The following ACIN1 variants were observed in gnomAD, a reference collection of about 807,000 sequenced individuals.
The protein encoded by ACIN1 is apoptotic chromatin condensation inducer 1.
In ACIN1, 16 loss-of-function variants were observed where a neutral mutation model predicts 146.6. That is an observed-to-expected ratio of 0.11 (90% CI 0.07 to 0.17). The LOEUF is 0.17. Ranked by LOEUF, ACIN1 falls within the 10% of genes least tolerant of loss-of-function variation. The probability of loss-of-function intolerance (pLI) is 1.00; values close to 1 mark genes in which losing one functional copy is unlikely to be tolerated. For missense variants in ACIN1, 1,357 were observed against 1,609.3 expected (o/e 0.84, Z 2.68); for synonymous variants, 569 against 582.7 (o/e 0.98, Z 0.34).
At chr14:23,069,337 G>C in intron 9 of ACIN1, 139 bp downstream of exon 9, 3 of 1,398,008 alleles carry the variant, frequency 2.1e-6, no homozygotes, top group Non-Finnish European at 2.8e-6. Context: ...ATTCTCCCTT[G>C]GCCCTATTCT....
chr14:23,063,265 A>T (rs2047345093), intron 13 of ACIN1, 171 bp downstream of exon 13: 1 of 1,129,246 alleles, frequency 8.9e-7, no homozygotes, highest in African/African-American at 1.6e-5. Context: ...CAAAGATTAA[A>T]CAGAGTCAAA....
At chr14:23,088,658 C>CTAT (rs1233040236) in intron 4 of ACIN1, among the ~76,000 whole-genome samples, 1 of 152,072 alleles carries the variant, frequency 6.6e-6, no homozygotes, top group African/African-American at 2.4e-5. Flanking sequence ...CCCCTCAACA[C>CTAT]TAATTATTCA....
intron 1 of ACIN1, 39 bp downstream of exon 1, chr14:23,094,936 C>A (rs1382865297): frequency 1.3e-6 from 2 of 1,548,546 alleles, no homozygotes; most frequent in South Asian, 2.4e-5. Flanking sequence ...TCTACCGGGT[C>A]CGCTCTCCTC....
intron 4 of ACIN1, among the ~76,000 whole-genome samples, chr14:23,089,736 TG>T (rs2048179343): frequency 6.6e-6 from 1 of 152,150 alleles, no homozygotes; most frequent in African/African-American, 2.4e-5. Flanking sequence ...GTAGAAGAGT[TG>T]AAGAGGTACA....
chr14:23,094,914 C>T, intron 1 of ACIN1, 61 bp downstream of exon 1: 2 of 1,507,196 alleles, frequency 1.3e-6, no homozygotes, highest in Non-Finnish European at 1.8e-6. Context: ...TGCGCCGCGG[C>T]AGAGGCTCGT....
intron 16 of ACIN1, 152 bp downstream of exon 16, chr14:23,062,016 G>A: frequency 1.8e-6 from 1 of 548,642 alleles, no homozygotes. Context: ...CCACTTTGAA[G>A]CCCCATGGTA....
intron 8 of ACIN1, among the ~76,000 whole-genome samples, chr14:23,075,476 C>T (rs1284210090): frequency 6.6e-6 from 1 of 151,992 alleles, no homozygotes; most frequent in Non-Finnish European, 1.5e-5. Flanking sequence ...CTGCTCCAAG[C>T]AATGAAAAAG....
rs141625134 is a variant in ACIN1 at position 23,064,318 on chromosome 14, G to A, written c.2442+37C>T. 1,250 of 1,613,962 alleles carry A rather than the reference G, an allele frequency of 7.7e-4. 9 individuals carry two copies. The African/African-American group carries it at 0.014, about 18-fold the overall frequency. On this transcript the variant is annotated intron_variant, in intron 11 of 18. Coordinates refer to ENST00000605057, the MANE Select transcript of ACIN1 (RefSeq NM_001386863.1). The stretch of plus-strand genomic sequence containing the variant: ...GCCCATGTCTACTCCCACCTTAACA[G>A]GTCTCATCCTCCCTTCCCTGGCTCC...
chr14:23,061,709 C>G (rs902326323), intron 16 of ACIN1, 87 bp from the exon 17 acceptor site: 15 of 1,249,356 alleles, frequency 1.2e-5, no homozygotes, highest in African/African-American at 7.6e-5. Flanking sequence ...CGCGGTGGCT[C>G]ACGCCTGTAA....
At chr14:23,093,063 C>A (rs1268117144) in intron 2 of ACIN1, among the ~76,000 whole-genome samples, 1 of 152,036 alleles carries the variant, frequency 6.6e-6, no homozygotes, top group Non-Finnish European at 1.5e-5. Context: ...AGGATTGAAC[C>A]CTTGGAAAAT....
chr14:23,083,813 T>C (rs960158571), intron 4 of ACIN1, among the ~76,000 whole-genome samples: 1 of 152,180 alleles, frequency 6.6e-6, no homozygotes, highest in African/African-American at 2.4e-5. Context: ...AAGATAATTA[T>C]ATTCCAGATA....
chr14:23,058,798 A>G lies in ACIN1; in HGVS notation c.*350T>C. 3.2e-6 allele frequency: 1 copy of G among 313,178 alleles called. No individual in the cohort carries two copies. The highest frequency in any genetic ancestry group is 5.4e-5 in the South Asian group (1 of 18,400). 19.4% of individuals were successfully genotyped at this position (313,178 alleles called of 1,614,324 possible). On this transcript the variant is annotated 3_prime_UTR_variant, in exon 19 of 19. Coordinates refer to ENST00000605057, the MANE Select transcript of ACIN1 (RefSeq NM_001386863.1). ...AGTCCTGGCCCCGGCTGTTCCCAAG[A>G]GAAGGCTGTAAGTACCCAGGGAGGT...
At chr14:23,087,281 C>T (rs144095509) in intron 4 of ACIN1, among the ~76,000 whole-genome samples, 182 of 152,240 alleles carry the variant, frequency 1.2e-3, no homozygotes, top group African/African-American at 3.9e-3. Flanking sequence ...CCATTCAGGA[C>T]CTTAACTAAA....
chr14:23,079,976 G>A lies in ACIN1; in HGVS notation c.1359C>T (p.Asp453=), dbSNP rs769974080. Residue 453 remains aspartate, a synonymous_variant, in exon 6 of 19, where the codon GAC becomes GAT. Coordinates refer to ENST00000605057, the MANE Select transcript of ACIN1 (RefSeq NM_001386863.1). ...GTTCAAGATCCTTCTGGGCTGAGTA[G>A]TCAGCCAGTGTGCTTTTCTGAACCA... ...LPLVQKSTLA[D]YSAQKDLEPE... is the part of the protein sequence containing the mutation. 6.2e-7 allele frequency: 1 copy of A among 1,614,104 alleles called. No individual in the cohort carries two copies. The highest frequency in any genetic ancestry group is 8.5e-7 in the Non-Finnish European group (1 of 1,180,030).
At chr14:23,062,050 G>A (rs1184574998) in intron 16 of ACIN1, 118 bp downstream of exon 16, 2 of 814,318 alleles carry the variant, frequency 2.5e-6, no homozygotes, top group African/African-American at 1.8e-5. Context: ...CAAAGCCAGG[G>A]AAGAAGAGAA....
chr14:23,091,077 G>C (rs2048214548), intron 2 of ACIN1, among the ~76,000 whole-genome samples: 1 of 151,922 alleles, frequency 6.6e-6, no homozygotes, highest in African/African-American at 2.4e-5. Flanking sequence ...GCTGATTTTT[G>C]TATTTTTAGT....
At chr14:23,082,437 ATTTTTTTT>A (rs11378976) in intron 4 of ACIN1, among the ~76,000 whole-genome samples, 1,460 of 95,834 alleles carry the variant, frequency 0.015, 23 homozygotes, top group African/African-American at 0.055. Flanking sequence ...AGAGCTCAAT[ATTTTTTTT>A]TTTTTTTTTT....
intron 12 of ACIN1, 101 bp from the exon 13 acceptor site, chr14:23,063,678 T>A: frequency 7.3e-7 from 1 of 1,364,034 alleles, no homozygotes; most frequent in Non-Finnish European, 1.0e-6. Flanking sequence ...CAATCTAGCA[T>A]GTTCCTTCCG....
intron 4 of ACIN1, among the ~76,000 whole-genome samples, chr14:23,086,019 A>G (rs184977926): frequency 6.6e-6 from 1 of 152,398 alleles, no homozygotes; most frequent in East Asian, 1.9e-4. Context: ...TCTTCATCCT[A>G]GAAAACAAAT....
Sources: gnomAD v4.1 joint callset for allele counts (sites outside exome capture counted in the v4.1 genomes callset) on GRCh38, gnomAD v4.1.1 for gene constraint, MANE v1.5 for transcripts, NCBI Gene and HGNC (gene_info 2026-07-23, HGNC 2026-07-21) for gene names.